Variants in NXN observed in about 807,000 individuals in gnomAD.
NXN encodes nucleoredoxin 1.
In NXN, 16 loss-of-function variants were observed where a neutral mutation model predicts 48.6. That is an observed-to-expected ratio of 0.33 (90% CI 0.22 to 0.50). The LOEUF is 0.50. NXN is among the 20% of genes least tolerant of loss of function. The probability of loss-of-function intolerance (pLI) is 0.98; values close to 1 mark genes in which losing one functional copy is unlikely to be tolerated. For synonymous variants in NXN, 281 were observed against 269.6 expected (o/e 1.04, Z -0.41); for missense variants, 492 against 605.5 (o/e 0.81, Z 1.97).
Position 849,162 on chromosome 17 carries a change from G to A in NXN, c.361-23084C>T, listed in dbSNP as rs890760585. On this transcript the variant is annotated intron_variant, in intron 1 of 7. Transcript: ENST00000336868. This position sits in a 1 kb window ranked among gnomAD's most constrained non-coding sequence, Gnocchi z 4.2. Reference sequence around the variant, plus strand: ...TCCACGGCAGGCAATCATGGTGGGTGTGCACGCTTGATCTAAGACCAATCA... The same window carrying A: ...TCCACGGCAGGCAATCATGGTGGGTATGCACGCTTGATCTAAGACCAATCA... Among the ~76,000 whole-genome samples, 4 of 152,182 alleles carry A rather than the reference G, an allele frequency of 2.6e-5. No individual in the cohort carries two copies. Among genetic ancestry groups the A allele is most frequent in the Non-Finnish European group, 4.4e-5 (3 of 68,036 alleles).
intron 1 of NXN, among the ~76,000 whole-genome samples, chr17:842,311 A>G (rs1914374979): frequency 6.6e-6 from 1 of 152,224 alleles, no homozygotes; most frequent in South Asian, 2.1e-4. Context: ...AACAGTCGCT[A>G]GTTCCAACCA....
At chr17:880,822 G>C (rs1287459813) in intron 1 of NXN, among the ~76,000 whole-genome samples, 2 of 152,092 alleles carry the variant, frequency 1.3e-5, no homozygotes, top group Non-Finnish European at 2.9e-5. Flanking sequence ...GACTGCGAAG[G>C]ACAGATACTT....
intron 1 of NXN, among the ~76,000 whole-genome samples, chr17:851,389 G>A (rs532044588): frequency 3.9e-5 from 6 of 152,364 alleles, no homozygotes; most frequent in East Asian, 1.9e-4. Context: ...AGGCATGAGC[G>A]GGGGACGGGA....
rs191802151 is a variant in NXN at position 883,611 on chromosome 17, C to A, written c.361-57533G>T. On this transcript the variant is annotated intron_variant, in intron 1 of 7. Coordinates refer to ENST00000336868, the MANE Select transcript of NXN (RefSeq NM_022463.5). ...TCCTCTCCATGAAGCCAGGTCGATG[C>A]TGGAAGGGCAGAAATGCCCAGAAAG... Among the ~76,000 whole-genome samples, 93 of 152,360 alleles carry A rather than the reference C, an allele frequency of 6.1e-4. 1 individual carries two copies. The East Asian group carries it at 0.014, about 24-fold the overall frequency.
intron 1 of NXN, among the ~76,000 whole-genome samples, chr17:851,704 G>C (rs1476400675): frequency 1.3e-5 from 2 of 152,128 alleles, no homozygotes; most frequent in African/African-American, 4.8e-5. Context: ...TACTTATTTT[G>C]CTTTGAATAG....
chr17:873,294 C>T (rs1043923379), intron 1 of NXN, among the ~76,000 whole-genome samples: 2 of 151,828 alleles, frequency 1.3e-5, no homozygotes, highest in Non-Finnish European at 1.5e-5. Flanking sequence ...ATCAGGAGTT[C>T]GAGACCAGCC....
rs76687287 is a variant in NXN, at chr17:969,787, A to C, written c.360+9532T>G. 3.4e-3 allele frequency among the ~76,000 whole-genome samples: 519 copies of C among 152,310 alleles called. 2 individuals carry two copies. The highest frequency in any genetic ancestry group is 0.032 in the East Asian group (166 of 5,182). Reference sequence around the variant, plus strand: ...CCAAAAAAAGACAAATTAAAAAAAAATGTGGAACTGATGCATCTGGATGAA... The same window carrying C: ...CCAAAAAAAGACAAATTAAAAAAAACTGTGGAACTGATGCATCTGGATGAA... On this transcript the variant is annotated intron_variant, in intron 1 of 7. Coordinates refer to ENST00000336868, the MANE Select transcript of NXN (RefSeq NM_022463.5).
intron 5 of NXN, among the ~76,000 whole-genome samples, chr17:810,042 T>C (rs879060769): frequency 1.7e-5 from 2 of 119,218 alleles, no homozygotes; most frequent in African/African-American, 3.3e-5. Context: ...TCCGTGTGAG[T>C]GGCGTGCACG....
Position 885,672 on chromosome 17 carries a change from C to CTTTTTTTTTTTTTTTTTT in NXN, c.361-59612_361-59595dup, listed in dbSNP as rs532225883. ...GCCCACCTGGGGGCTGCGGTACTCG[C>CTTTTTTTTTTTTTTTTTT]TTTTTTTTTTTTTTTTTTTTTTTTT... On this transcript the variant is annotated intron_variant, in intron 1 of 7. Coordinates refer to ENST00000336868, the MANE Select transcript of NXN (RefSeq NM_022463.5). Among the ~76,000 whole-genome samples the CTTTTTTTTTTTTTTTTTT allele has an allele frequency of 2.4e-5, 2 of 83,750 alleles. 1 individual carries two copies. The highest frequency in any genetic ancestry group is 4.2e-5 in the Non-Finnish European group (2 of 47,550). 54.9% of individuals were successfully genotyped at this position (83,750 alleles called of 152,430 possible). A position where few individuals can be genotyped will look rare whatever the true frequency, so the allele number is the denominator to read the frequency against.
intron 1 of NXN, among the ~76,000 whole-genome samples, chr17:882,896 G>A (rs1212548312): frequency 6.6e-6 from 1 of 152,092 alleles, no homozygotes; most frequent in Non-Finnish European, 1.5e-5. Flanking sequence ...CCTAGTAGCT[G>A]GAATTACAGG....
intron 1 of NXN, among the ~76,000 whole-genome samples, chr17:941,365 C>T (rs1281144315): frequency 6.7e-6 from 1 of 148,662 alleles, no homozygotes; most frequent in African/African-American, 2.5e-5. Flanking sequence ...TTACAGTGAA[C>T]AAGATTCCAG....
chr17:874,091 C>T (rs755014333), intron 1 of NXN, among the ~76,000 whole-genome samples: 3 of 152,190 alleles, frequency 2.0e-5, no homozygotes, highest in Non-Finnish European at 2.9e-5. Context: ...CAGTAACCCT[C>T]CTGCTGTTCT....
intron 1 of NXN, among the ~76,000 whole-genome samples, chr17:846,444 G>GA (rs113131015): frequency 2.1e-5 from 3 of 146,078 alleles, no homozygotes; most frequent in Admixed American, 1.4e-4. Flanking sequence ...AAAGAAAAAA[G>GA]AAAAAAAATT....
intron 1 of NXN, among the ~76,000 whole-genome samples, chr17:974,326 G>A (rs1432894795): frequency 6.6e-6 from 1 of 151,854 alleles, no homozygotes; most frequent in East Asian, 2.0e-4. Flanking sequence ...ACTCCAGCCT[G>A]GGTGACAGAG....
intron 1 of NXN, chr17:909,957 T>G (rs1168334033): frequency 6.6e-6 from 1 of 152,180 alleles, no homozygotes. Context: ...CTTTAATATC[T>G]ATATCTATCC....
intron 1 of NXN, among the ~76,000 whole-genome samples, chr17:935,151 G>A (rs574677684): frequency 1.9e-4 from 29 of 151,790 alleles, no homozygotes; most frequent in Middle Eastern, 6.8e-3. Flanking sequence ...GCACTACCAC[G>A]CCCAGATAAT....
At chr17:896,289 G>A (rs2068484967) in intron 1 of NXN, among the ~76,000 whole-genome samples, 4 of 148,750 alleles carry the variant, frequency 2.7e-5, no homozygotes, top group Admixed American at 6.8e-5. Flanking sequence ...GCAGTGAGCC[G>A]AGATCGAGCC....
At chr17:885,830 GC>G (rs1169302763) in intron 1 of NXN, among the ~76,000 whole-genome samples, 1 of 147,794 alleles carries the variant, frequency 6.8e-6, no homozygotes, top group Non-Finnish European at 1.5e-5. Context: ...ACAGGCGCCC[GC>G]CACCACGCCC....
chr17:829,043 G>T (rs6598826), intron 1 of NXN, among the ~76,000 whole-genome samples: 103,256 of 151,788 alleles, frequency 0.68, 36,036 homozygotes, highest in African/African-American at 0.83. Flanking sequence ...TGGCAAATGA[G>T]AGAGCCCATT....
Sources: allele counts gnomAD v4.1 joint callset (sites outside exome capture counted in the v4.1 genomes callset), GRCh38; gene constraint gnomAD v4.1.1; non-coding constraint Gnocchi (gnomAD v3.1); transcripts MANE v1.5; gene names NCBI Gene and HGNC (gene_info 2026-07-23, HGNC 2026-07-21).